PGBD2: variants seen among roughly 807,000 people sequenced by gnomAD.
PGBD2 encodes the protein piggyBac transposable element-derived protein 2.
PGBD2 carries 6 observed loss-of-function variants against 8.1 expected under a neutral mutation model. The ratio of observed to expected loss-of-function variants is 0.74; its 90% CI spans 0.40 to 1.46. PGBD2 has a LOEUF of 1.46. Among genes scored for constraint, PGBD2 ranks in the 40% most tolerant of loss-of-function variants. The pLI, the probability that PGBD2 is intolerant of heterozygous loss-of-function variation, is 0.02. For missense variants in PGBD2, 802 were observed against 739.0 expected (o/e 1.09, Z -0.99); for synonymous variants, 318 against 272.2 (o/e 1.17, Z -1.66).
intron 1 of PGBD2, among the ~76,000 whole-genome samples, chr1:248,908,482 A>T (rs1164701587): frequency 6.6e-6 from 1 of 151,976 alleles, no homozygotes; most frequent in South Asian, 2.1e-4. Flanking sequence ...CTACCCCCTC[A>T]ACCAATTATC....
chr1:248,894,626 A>G, the PGBD2 span, among the ~76,000 whole-genome samples: 5 of 152,190 alleles, frequency 3.3e-5, no homozygotes, highest in Non-Finnish European at 7.3e-5. Flanking sequence ...TTAATAAGTC[A>G]AAACTCACTG....
chr1:248,880,444 T>C, the PGBD2 span, among the ~76,000 whole-genome samples: 14 of 152,316 alleles, frequency 9.2e-5, no homozygotes, highest in African/African-American at 3.4e-4. Context: ...GGGAATTTTG[T>C]TATCTGAAAT....
the PGBD2 span, among the ~76,000 whole-genome samples, chr1:248,927,359 T>C: frequency 2.0e-5 from 3 of 152,124 alleles, no homozygotes; most frequent in African/African-American, 7.2e-5. Flanking sequence ...TAATAGATGA[T>C]GCTGGATATA....
At chr1:248,889,789 G>C in the PGBD2 span, among the ~76,000 whole-genome samples, 1 of 152,080 alleles carries the variant, frequency 6.6e-6, no homozygotes, top group Non-Finnish European at 1.5e-5. Context: ...AGGCAGACTC[G>C]GGGGATATGC....
the PGBD2 span, among the ~76,000 whole-genome samples, chr1:248,892,273 CCCTTCCTT>C: frequency 2.4e-5 from 3 of 127,388 alleles, no homozygotes; most frequent in African/African-American, 9.7e-5. Flanking sequence ...CTCCCTCCCT[CCCTTCCTT>C]CCTTCCTTCC....
At chr1:248,894,759 CCTTCCT>C in the PGBD2 span, among the ~76,000 whole-genome samples, 1 of 148,972 alleles carries the variant, frequency 6.7e-6, no homozygotes, top group South Asian at 2.1e-4. Context: ...TTCCCCTTCC[CCTTCCT>C]CTTCTCCTTC....
chr1:248,898,568 C>T, the PGBD2 span, among the ~76,000 whole-genome samples: 1 of 152,182 alleles, frequency 6.6e-6, no homozygotes. Flanking sequence ...TGAGGGAATT[C>T]ATCACCACCA....
the PGBD2 span, among the ~76,000 whole-genome samples, chr1:248,894,548 CT>C: frequency 4.6e-5 from 7 of 152,180 alleles, no homozygotes; most frequent in Non-Finnish European, 8.8e-5. Context: ...TCATGGCACT[CT>C]TGTTAAACAT....
In PGBD2 at chr1:248,918,129, C is replaced by A; in HGVS notation, c.1545C>A (p.Ala515=). 6.2e-7 allele frequency: 1 copy of A among 1,614,204 alleles called. No individual in the cohort carries two copies. The highest frequency in any genetic ancestry group is 1.1e-5 in the South Asian group (1 of 91,088). The change falls in exon 3 of 3, where the codon GCC becomes GCA. Residue 515 remains alanine (A), a synonymous_variant. Coordinates refer to ENST00000329291, the MANE Select transcript of PGBD2 (RefSeq NM_170725.3). ...AAGATGCCCAGGTGGACCTCCTTGC[C>A]TTCCGGAGATACATTGCCTGTGTGT... ...CCQDAQVDLL[A]FRRYIACVYL...
chr1:248,925,187 C>T, the PGBD2 span, among the ~76,000 whole-genome samples: 1 of 152,156 alleles, frequency 6.6e-6, no homozygotes, highest in Non-Finnish European at 1.5e-5. Flanking sequence ...GGTCAAAAAA[C>T]CAAGTGTTAC....
chr1:248,880,234 C>A, the PGBD2 span, among the ~76,000 whole-genome samples: 2 of 152,206 alleles, frequency 1.3e-5, no homozygotes, highest in Non-Finnish European at 2.9e-5. Context: ...TGTCTCCACC[C>A]TGGATGTATC....
chr1:248,903,925 GTTAT>G (rs1053683054), upstream of PGBD2, among the ~76,000 whole-genome samples: 3 of 152,114 alleles, frequency 2.0e-5, no homozygotes, highest in Non-Finnish European at 2.9e-5. Context: ...ACCATAAGGT[GTTAT>G]TTAGTCAATG....
At chr1:248,903,372 T>A (rs573978152), upstream of PGBD2, among the ~76,000 whole-genome samples, 85 of 149,422 alleles carry the variant, frequency 5.7e-4, no homozygotes, top group Non-Finnish European at 1.1e-3. Flanking sequence ...CTAACTTTAA[T>A]GTAGCATAGT....
Position 248,917,329 on chromosome 1 carries a change from A to G in PGBD2, c.745A>G (p.Ile249Val), listed in dbSNP as rs1572280899. ...TAGGTTTGCCAAGGTCAGACCTCTCATCATCCGGATGAACTGCAATTTCCA... is the reference window on the plus strand; with the variant it reads ...TAGGTTTGCCAAGGTCAGACCTCTCGTCATCCGGATGAACTGCAATTTCCA... Reference protein sequence around the residue: ...SDRFAKVRPLIIRMNCNFQKH... With the variant: ...SDRFAKVRPLVIRMNCNFQKH... Residue 249 changes from isoleucine to valine, a missense_variant, in exon 3 of 3, where the codon ATC becomes GTC. By Grantham distance (29) the Ile-to-Val change is conservative. Coordinates refer to ENST00000329291, the MANE Select transcript of PGBD2 (RefSeq NM_170725.3). 6 of 1,614,200 alleles carry G rather than the reference A, an allele frequency of 3.7e-6. No homozygotes were observed. In the East Asian group the frequency reaches 6.7e-5, roughly 18 times the overall value.
chr1:248,927,619 C>G, the PGBD2 span, among the ~76,000 whole-genome samples: 1 of 152,168 alleles, frequency 6.6e-6, no homozygotes, highest in Admixed American at 6.5e-5. Flanking sequence ...CACATTACAA[C>G]TTTACTTACA....
rs1430328411 is a variant in PGBD2, at chr1:248,917,423, G to A, written c.839G>A (p.Gly280Glu). 6 of 1,614,146 alleles carry A rather than the reference G, an allele frequency of 3.7e-6. No homozygotes were observed. The highest frequency in any genetic ancestry group is 2.2e-5 in the East Asian group (1 of 44,884). Residue 280 changes from glycine (G) to glutamate (E), a missense_variant, in exon 3 of 3, where the codon GGG (glycine) becomes GAG (glutamate). Physicochemically the swap from Gly to Glu is moderately conservative, Grantham distance 98. Transcript: ENST00000329291. ...ATGTGTGAGTACTTTGGGCACCGGG[G>A]GTCCAAGCAGCTGCACAGGGGGAAG... is the stretch of plus-strand genomic sequence containing the variant. ...ESMCEYFGHR[G>E]SKQLHRGKPV...
chr1:248,873,447 T>G, the PGBD2 span, among the ~76,000 whole-genome samples: 10 of 152,286 alleles, frequency 6.6e-5, 1 homozygote, highest in South Asian at 2.1e-3. Context: ...ATGATGATAA[T>G]GAAGAAAAAC....
chr1:248,876,363 G>A, the PGBD2 span, among the ~76,000 whole-genome samples: 2 of 152,214 alleles, frequency 1.3e-5, no homozygotes, highest in Non-Finnish European at 2.9e-5. Flanking sequence ...ATTTGTAAAC[G>A]AATCTTCATA....
At chr1:248,911,555 CTT>C (rs1021523700) in intron 1 of PGBD2, among the ~76,000 whole-genome samples, 5 of 145,704 alleles carry the variant, frequency 3.4e-5, no homozygotes, top group African/African-American at 1.1e-4. Context: ...ATTTCTCAAT[CTT>C]TTCCCCACCT....
Sources: gnomAD v4.1 joint callset for allele counts (sites outside exome capture counted in the v4.1 genomes callset) on GRCh38, gnomAD v4.1.1 for gene constraint, MANE v1.5 for transcripts, NCBI Gene and HGNC (gene_info 2026-07-23, HGNC 2026-07-21) for gene names.